Variants in GFRA1 observed in about 807,000 individuals in gnomAD.
The protein encoded by GFRA1 is GDNF family receptor alpha-1.
In GFRA1, 16 loss-of-function variants were observed where a neutral mutation model predicts 51.6. The observed-to-expected ratio is 0.31, with a 90% CI of 0.21 to 0.47. The LOEUF (loss-of-function observed/expected upper bound fraction) is 0.47, where lower values mean the gene tolerates loss of function less well. Ranked by LOEUF, GFRA1 falls within the 20% of genes least tolerant of loss-of-function variation. The probability of loss-of-function intolerance (pLI) is 1.00; values close to 1 mark genes in which losing one functional copy is unlikely to be tolerated. For synonymous variants in GFRA1, 270 were observed against 241.3 expected (o/e 1.12, Z -1.10); for missense variants, 530 against 594.3 (o/e 0.89, Z 1.13).
At chr10:116,127,754 T>C (rs1391957457) in intron 5 of GFRA1, among the ~76,000 whole-genome samples, 1 of 152,240 alleles carries the variant, frequency 6.6e-6, no homozygotes, top group Non-Finnish European at 1.5e-5. Context: ...TCTCCTCTTT[T>C]GAGACTTCTA....
intron 5 of GFRA1, among the ~76,000 whole-genome samples, chr10:116,155,597 G>A (rs538677299): frequency 1.3e-5 from 2 of 152,218 alleles, no homozygotes; most frequent in Non-Finnish European, 1.5e-5. Context: ...CAATTTTTCC[G>A]AGCACATTTT....
intron 6 of GFRA1, among the ~76,000 whole-genome samples, chr10:116,115,821 G>A (rs1957390323): frequency 1.3e-5 from 2 of 152,312 alleles, no homozygotes; most frequent in East Asian, 3.9e-4. Context: ...CTTGCAGCTG[G>A]TGTAGTATGC....
At position 116,065,608 on chromosome 10, in the gene GFRA1, T is replaced by G; in HGVS notation, c.1216A>C (p.Asn406His). ...CAGAGGTGTGTATTGCCCGACACATTGGATTTCAGCTTCTGTGCCTGGAGA... is the reference window on the plus strand; with the variant it reads ...CAGAGGTGTGTATTGCCCGACACATGGGATTTCAGCTTCTGTGCCTGGAGA... The part of the protein sequence containing the change: ...ANLQAQKLKS[N>H]VSGNTHLCIS... The change falls in exon 10 of 11, where the codon AAT becomes CAT. Residue 406 changes from asparagine to histidine, a missense_variant. Physicochemically the swap from Asn to His is moderately conservative, Grantham distance 68. Transcript: ENST00000355422. 1 of 1,613,554 alleles carries G rather than the reference T, an allele frequency of 6.2e-7. No homozygotes were observed.
intron 8 of GFRA1, 121 bp downstream of exon 8, chr10:116,093,581 A>AAGGTACAAGAGGTAC: frequency 1.2e-6 from 1 of 850,664 alleles, no homozygotes; most frequent in Non-Finnish European, 2.0e-6. Flanking sequence ...AAGCAGGCAC[A>AAGGTACAAGAGGTAC]AGGTACAAGA....
intron 4 of GFRA1, among the ~76,000 whole-genome samples, chr10:116,246,073 T>C (rs1242185666): frequency 6.6e-6 from 1 of 152,162 alleles, no homozygotes; most frequent in Non-Finnish European, 1.5e-5. Flanking sequence ...CTGTAAACTA[T>C]GAACTTTGGT....
chr10:116,074,799 C>T (rs1165703896), intron 9 of GFRA1, among the ~76,000 whole-genome samples: 1 of 152,148 alleles, frequency 6.6e-6, no homozygotes, highest in Non-Finnish European at 1.5e-5. Flanking sequence ...TGTTTGCTTC[C>T]ACATAAGGGA....
intron 5 of GFRA1, among the ~76,000 whole-genome samples, chr10:116,127,155 C>A (rs1392141497): frequency 1.3e-5 from 2 of 151,694 alleles, no homozygotes; most frequent in Non-Finnish European, 2.9e-5. Flanking sequence ...TTGAGTCATG[C>A]AAGATGAATA....
chr10:116,088,581 A>G (rs1956193357), intron 9 of GFRA1, among the ~76,000 whole-genome samples: 1 of 152,170 alleles, frequency 6.6e-6, no homozygotes. Context: ...TAGTGACAGC[A>G]TCTCTCCTGC....
intron 5 of GFRA1, among the ~76,000 whole-genome samples, chr10:116,192,345 G>A (rs958187370): frequency 6.6e-6 from 1 of 152,172 alleles, no homozygotes; most frequent in Non-Finnish European, 1.5e-5. Context: ...CAGAAAGGGG[G>A]TAGCATAGGC....
chr10:116,129,278 C>T (rs969343937), intron 5 of GFRA1, among the ~76,000 whole-genome samples: 2 of 152,168 alleles, frequency 1.3e-5, no homozygotes, highest in African/African-American at 4.8e-5. Context: ...CAACAATATT[C>T]CCCAAACTTT....
intron 4 of GFRA1, among the ~76,000 whole-genome samples, chr10:116,214,774 A>G (rs990679058): frequency 1.3e-5 from 2 of 152,222 alleles, no homozygotes; most frequent in South Asian, 4.1e-4. Context: ...CTTCCTTCAA[A>G]ATTCAGTACT....
At chr10:116,093,248 G>C (rs1420405879) in intron 8 of GFRA1, among the ~76,000 whole-genome samples, 1 of 152,202 alleles carries the variant, frequency 6.6e-6, no homozygotes, top group African/African-American at 2.4e-5. Context: ...TTCTCAGAGA[G>C]TCCTTGGAGG....
chr10:116,178,411 G>C (rs1311848279), intron 5 of GFRA1, among the ~76,000 whole-genome samples: 4 of 152,194 alleles, frequency 2.6e-5, no homozygotes, highest in African/African-American at 9.7e-5. Flanking sequence ...CTCTTGGCCA[G>C]ATGCCAAGCT....
intron 4 of GFRA1, among the ~76,000 whole-genome samples, chr10:116,244,020 C>A (rs1303991322): frequency 6.6e-6 from 1 of 152,094 alleles, no homozygotes; most frequent in East Asian, 1.9e-4. Flanking sequence ...ATATAGATGA[C>A]TGCATAAGGT....
intron 4 of GFRA1, among the ~76,000 whole-genome samples, chr10:116,231,529 A>AT (rs1234895082): frequency 6.6e-6 from 1 of 152,194 alleles, no homozygotes; most frequent in Non-Finnish European, 1.5e-5. Flanking sequence ...GATACAAAGC[A>AT]TTTTTTAAAG....
At chr10:116,193,759 TA>T (rs1465968860) in intron 5 of GFRA1, among the ~76,000 whole-genome samples, 1 of 152,198 alleles carries the variant, frequency 6.6e-6, no homozygotes, top group African/African-American at 2.4e-5. Flanking sequence ...TAACCTTCTA[TA>T]AAAAGGTGGC....
At chr10:116,067,359 G>A (rs1955161176) in intron 9 of GFRA1, among the ~76,000 whole-genome samples, 1 of 152,180 alleles carries the variant, frequency 6.6e-6, no homozygotes, top group Non-Finnish European at 1.5e-5. Context: ...ATAAGCCCTT[G>A]CTAAGGGCCT....
chr10:116,097,830 G>A (rs1956663659), intron 6 of GFRA1, among the ~76,000 whole-genome samples: 1 of 152,192 alleles, frequency 6.6e-6, no homozygotes, highest in South Asian at 2.1e-4. Flanking sequence ...CCACCTAAGA[G>A]ACTGTATTTT....
intron 9 of GFRA1, among the ~76,000 whole-genome samples, chr10:116,087,429 T>C (rs755349175): frequency 6.6e-6 from 1 of 152,236 alleles, no homozygotes; most frequent in Non-Finnish European, 1.5e-5. Context: ...AAGTTGCATC[T>C]TGCCCAGTAT....
Sources: allele counts gnomAD v4.1 joint callset (sites outside exome capture counted in the v4.1 genomes callset), GRCh38; gene constraint gnomAD v4.1.1; transcripts MANE v1.5; gene names NCBI Gene and HGNC (gene_info 2026-07-23, HGNC 2026-07-21).